SPTBN1: variants seen among roughly 807,000 people sequenced by gnomAD.
SPTBN1 encodes spectrin beta chain, non-erythrocytic 1.
In SPTBN1, 32 loss-of-function variants were observed where a neutral mutation model predicts 266.4. That is an observed-to-expected ratio of 0.12 (90% CI 0.09 to 0.16). SPTBN1 has a LOEUF of 0.16. Among genes scored for constraint, SPTBN1 ranks in the 10% least tolerant of loss-of-function variants. The probability of loss-of-function intolerance (pLI) is 1.00; values close to 1 mark genes in which losing one functional copy is unlikely to be tolerated. For missense variants in SPTBN1, 2,296 were observed against 3,067.1 expected, an observed-to-expected ratio of 0.75 and a Z score of 5.94; for synonymous variants, 1,336 against 1,162.2, an observed-to-expected ratio of 1.15 and a Z score of -3.04.
At position 54,557,952 on chromosome 2, in the gene SPTBN1, C is replaced by G. The variant is rs964356036; in HGVS notation, c.148+31386C>G. On this transcript the variant is annotated intron_variant, in intron 2 of 35. Coordinates refer to ENST00000356805, the MANE Select transcript of SPTBN1 (RefSeq NM_003128.3). ...AGCGCACTGGGGCAGTCGCGCGCGC[C>G]CAGGTGCGGGCCGCGTTACCTCAGC... is the stretch of plus-strand genomic sequence containing the variant. The G allele has an allele frequency of 4.6e-5, 45 of 984,878 alleles. No individual in the cohort carries two copies. In the African/African-American group the frequency reaches 7.7e-4, roughly 17 times the overall value. 61.0% of individuals were successfully genotyped at this position (984,878 alleles called of 1,614,324 possible). A position where few individuals can be genotyped will look rare whatever the true frequency, so the allele number is the denominator to read the frequency against.
intron 2 of SPTBN1, among the ~76,000 whole-genome samples, chr2:54,576,983 G>T (rs1345872237): frequency 2.0e-5 from 3 of 152,208 alleles, no homozygotes; most frequent in East Asian, 1.9e-4. Context: ...GGGTAGGGGT[G>T]TACAGAGGGA....
chr2:54,547,351 A>G (rs1436993014), intron 2 of SPTBN1, among the ~76,000 whole-genome samples: 1 of 152,180 alleles, frequency 6.6e-6, no homozygotes, highest in Non-Finnish European at 1.5e-5. Context: ...CATTTTGTTT[A>G]TCCATTCATC....
In SPTBN1 at chr2:54,468,443, TAAGGGCC is replaced by T. The variant is rs537294718; in HGVS notation, c.-48+11928_-48+11934del. On this transcript the variant is annotated intron_variant, in intron 1 of 35. Coordinates refer to ENST00000356805, the MANE Select transcript of SPTBN1 (RefSeq NM_003128.3). ...GTTTCTTCATCTCACACATACATAT[TAAGGGCC>T]AATCCTCCAATCTTAAACTGAAGAT... Among the ~76,000 whole-genome samples, 702 of 152,312 alleles carry T rather than the reference TAAGGGCC, an allele frequency of 4.6e-3. 3 individuals carry two copies. The highest frequency in any genetic ancestry group is 0.02 in the Middle Eastern group (6 of 294).
chr2:54,657,404 G>A (rs952199699), intron 29 of SPTBN1, among the ~76,000 whole-genome samples: 3 of 152,246 alleles, frequency 2.0e-5, no homozygotes, highest in African/African-American at 7.2e-5. Flanking sequence ...AGCGTTCACT[G>A]TAGACCTGCG....
chr2:54,643,020 A>G lies in SPTBN1; in HGVS notation c.3896A>G (p.Gln1299Arg). The G allele has an allele frequency of 6.2e-7, 1 of 1,614,074 alleles. No homozygotes were observed. Among genetic ancestry groups the G allele is most frequent in the Non-Finnish European group, 8.5e-7 (1 of 1,179,922 alleles). Residue 1299 changes from glutamine to arginine, a missense_variant, in exon 19 of 36, where the codon CAG (glutamine) becomes CGG (arginine). Gln to Arg is a conservative substitution (Grantham distance 43). Around this residue, in one of 12 missense-constraint regions of SPTBN1, gnomAD observed 386 missense variants for 486.1 expected, o/e 0.79. Transcript: ENST00000356805. Reference sequence around the variant, plus strand: ...ATCAATGAGAAGATGCTCACAGCCCAGGACATGTCTTACGATGAAGCCAGA... The same window carrying G: ...ATCAATGAGAAGATGCTCACAGCCCGGGACATGTCTTACGATGAAGCCAGA... ...LWINEKMLTA[Q>R]DMSYDEARNL...
At chr2:54,464,096 A>G (rs1693507852) in intron 1 of SPTBN1, among the ~76,000 whole-genome samples, 1 of 152,180 alleles carries the variant, frequency 6.6e-6, no homozygotes, top group African/African-American at 2.4e-5. Context: ...GCATATTTTG[A>G]TTAATACAAA....
chr2:54,630,765 A>G, intron 15 of SPTBN1, 90 bp from the exon 16 acceptor site: 1 of 1,413,882 alleles, frequency 7.1e-7, no homozygotes, highest in East Asian at 2.4e-5. Context: ...AAAACAGATA[A>G]GCAGCATTAA....
chr2:54,610,618 G>A (rs557132402), intron 3 of SPTBN1, among the ~76,000 whole-genome samples: 2 of 152,170 alleles, frequency 1.3e-5, no homozygotes, highest in African/African-American at 2.4e-5. Context: ...AAAGTGCAAG[G>A]TCTTTGCATC....
At chr2:54,660,307 T>C in intron 32 of SPTBN1, 1 of 1,309,934 alleles carries the variant, frequency 7.6e-7, no homozygotes, top group Non-Finnish European at 9.7e-7. Context: ...GTGAGCTTTT[T>C]ACTTTATTAA....
intron 4 of SPTBN1, among the ~76,000 whole-genome samples, chr2:54,614,482 C>T (rs780963375): frequency 3.9e-5 from 6 of 152,100 alleles, no homozygotes; most frequent in Non-Finnish European, 8.8e-5. Context: ...GATGATGACA[C>T]AGATTTTATG....
At position 54,644,508 on chromosome 2, in the gene SPTBN1, C is replaced by T. The variant is rs376499463; in HGVS notation, c.4191C>T (p.His1397=). The T allele has an allele frequency of 9.1e-4, 1,463 of 1,614,198 alleles. 23 individuals carry two copies. The South Asian group carries it at 0.015, about 17-fold the overall frequency. The stretch of plus-strand genomic sequence containing the variant: ...GTGCAGATCTAGACAAATGGCTGCA[C>T]GGCCTGGAGAGTCAGATTCAGTCTG... ...QSCADLDKWL[H]GLESQIQSDD... Residue 1397 remains histidine (H), a synonymous_variant, in exon 20 of 36, where the codon CAC becomes CAT. Coordinates refer to ENST00000356805, the MANE Select transcript of SPTBN1 (RefSeq NM_003128.3).
At chr2:54,489,634 G>A (rs1668581251) in intron 1 of SPTBN1, among the ~76,000 whole-genome samples, 1 of 152,192 alleles carries the variant, frequency 6.6e-6, no homozygotes, top group African/African-American at 2.4e-5. Context: ...GGGAGGTGGA[G>A]GTTGCAGTGA....
intron 29 of SPTBN1, among the ~76,000 whole-genome samples, chr2:54,656,205 TCA>T (rs1158653899): frequency 6.6e-6 from 1 of 152,228 alleles, no homozygotes; most frequent in Non-Finnish European, 1.5e-5. Context: ...TTGATTGATC[TCA>T]GTGTCATAGG....
rs1678308882 is a variant in SPTBN1, at chr2:54,626,139, C to A, written c.1549C>A (p.Leu517Ile). 6.2e-7 allele frequency: 1 copy of A among 1,614,094 alleles called. No individual in the cohort carries two copies. The highest frequency in any genetic ancestry group is 1.3e-5 in the African/African-American group (1 of 74,934). ...GCTCTGGGAATACCTACTGGAACTG[C>A]TCAGGGCCCGGAGACAGCGGCTCGA... ...IRLWEYLLELLRARRQRLEMN... is the reference protein window; with the variant it reads ...IRLWEYLLELIRARRQRLEMN... Residue 517 changes from leucine to isoleucine, a missense_variant, in exon 12 of 36, where the codon CTC becomes ATC. Around this residue, in one of 12 missense-constraint regions of SPTBN1, gnomAD observed 434 missense variants for 573.9 expected, o/e 0.76. Coordinates refer to ENST00000356805, the MANE Select transcript of SPTBN1 (RefSeq NM_003128.3). The surrounding 1 kb of genome is among the most constrained non-coding windows in gnomAD (Gnocchi z 4.7).
intron 2 of SPTBN1, among the ~76,000 whole-genome samples, chr2:54,556,436 C>T (rs1477455496): frequency 6.6e-6 from 1 of 152,180 alleles, no homozygotes; most frequent in Non-Finnish European, 1.5e-5. Context: ...TGTACTAACC[C>T]ATACTAGAGG....
intron 1 of SPTBN1, among the ~76,000 whole-genome samples, chr2:54,482,375 A>C (rs1046740412): frequency 1.3e-5 from 2 of 152,074 alleles, no homozygotes; most frequent in African/African-American, 4.8e-5. Flanking sequence ...AAAAAAGAAA[A>C]AATTAGAAAC....
At chr2:54,519,368 G>A (rs1359535836) in intron 1 of SPTBN1, among the ~76,000 whole-genome samples, 2 of 152,216 alleles carry the variant, frequency 1.3e-5, no homozygotes, top group Non-Finnish European at 2.9e-5. Context: ...ATAAGGTGTC[G>A]GAGGGAGTGC....
At chr2:54,468,982 A>G (rs1693779851) in intron 1 of SPTBN1, among the ~76,000 whole-genome samples, 1 of 152,254 alleles carries the variant, frequency 6.6e-6, no homozygotes, top group South Asian at 2.1e-4. Flanking sequence ...GTAACTGATG[A>G]AAGCATATAC....
Position 54,648,979 on chromosome 2 carries a change from T to A in SPTBN1, c.4998-7T>A, listed in dbSNP as rs767057857. ...TTTTTCTCCCCATTGCTCCTTTTCTTTTTCAGTGAGCGCATTAGCATGCGG... is the reference window on the plus strand; with the variant it reads ...TTTTTCTCCCCATTGCTCCTTTTCTATTTCAGTGAGCGCATTAGCATGCGG... On this transcript the variant is annotated splice_polypyrimidine_tract_variant and splice_region_variant and intron_variant, in intron 24 of 35. Coordinates refer to ENST00000356805, the MANE Select transcript of SPTBN1 (RefSeq NM_003128.3). The A allele has an allele frequency of 2.5e-6, 4 of 1,586,808 alleles. No individual in the cohort carries two copies. Among genetic ancestry groups the A allele is most frequent in the Non-Finnish European group, 3.4e-6 (4 of 1,161,380 alleles).
Sources: allele counts gnomAD v4.1 joint callset (sites outside exome capture counted in the v4.1 genomes callset), GRCh38; gene constraint gnomAD v4.1.1; regional missense constraint gnomAD v4.1.1; non-coding constraint Gnocchi (gnomAD v3.1); transcripts MANE v1.5; gene names NCBI Gene and HGNC (gene_info 2026-07-23, HGNC 2026-07-21).